The following ING4 variants were observed in gnomAD, a reference collection of about 807,000 sequenced individuals.
The protein encoded by ING4 is inhibitor of growth protein 4.
A neutral mutation model predicts 33.1 loss-of-function variants in ING4; 28 were observed. The ratio of observed to expected loss-of-function variants is 0.85; its 90% CI spans 0.63 to 1.16. The LOEUF (loss-of-function observed/expected upper bound fraction) is 1.16. Ranked by LOEUF, ING4 falls within the 50% of genes most tolerant of loss-of-function variation. The probability of loss-of-function intolerance (pLI) is 0.00; values close to 1 mark genes in which losing one functional copy is unlikely to be tolerated. For missense variants in ING4, 247 were observed against 314.7 expected, an observed-to-expected ratio of 0.78 and a Z score of 1.63; for synonymous variants, 87 against 104.4, an observed-to-expected ratio of 0.83 and a Z score of 1.02.
intron 2 of ING4, 38 bp downstream of exon 2, chr12:6,656,689 C>T (rs373285320): frequency 6.0e-5 from 66 of 1,107,756 alleles, no homozygotes; most frequent in Non-Finnish European, 7.9e-5. Flanking sequence ...TGATTACACA[C>T]ACTCATTAGA....
chr12:6,653,849 A>AATTATTT (rs1293167825), intron 2 of ING4, among the ~76,000 whole-genome samples: 49 of 152,156 alleles, frequency 3.2e-4, no homozygotes. Context: ...TCAATATCAT[A>AATTATTT]CATTTCAAAA....
At chr12:6,655,881 A>G (rs1403776092) in intron 2 of ING4, 1 of 456,206 alleles carries the variant, frequency 2.2e-6, no homozygotes, top group Non-Finnish European at 4.4e-6. Context: ...AAATTTGCTC[A>G]ATGTTCCAGG....
chr12:6,658,515 G>A (rs930779973), intron 1 of ING4, among the ~76,000 whole-genome samples: 6 of 151,898 alleles, frequency 4.0e-5, no homozygotes, highest in Non-Finnish European at 5.9e-5. Flanking sequence ...GTGAAACTCT[G>A]TCTCTACCAA....
chr12:6,660,197 C>T (rs1021760482), intron 1 of ING4, among the ~76,000 whole-genome samples: 8 of 152,124 alleles, frequency 5.3e-5, no homozygotes, highest in Admixed American at 2.0e-4. Flanking sequence ...CAGTGGCTCA[C>T]GCCTGTAATC....
At chr12:6,659,448 A>C (rs576357723) in intron 1 of ING4, among the ~76,000 whole-genome samples, 1 of 152,206 alleles carries the variant, frequency 6.6e-6, no homozygotes, top group Non-Finnish European at 1.5e-5. Flanking sequence ...TGGAGGTTGC[A>C]GTGAGCTGAG....
chr12:6,653,414 G>A lies in ING4; in HGVS notation c.110-18C>T, dbSNP rs372623035. 3.2e-5 allele frequency: 52 copies of A among 1,610,278 alleles called. No individual in the cohort carries two copies. Among genetic ancestry groups the A allele is most frequent in the Non-Finnish European group, 4.2e-5 (50 of 1,178,072 alleles). ...CTTCAGGTCTACAACAGAGACAGAG[G>A]CCTGGTCACAATGGCCCCTGAGTGG... On this transcript the variant is annotated intron_variant, in intron 2 of 7. Transcript: ENST00000341550.
intron 6 of ING4, 108 bp from the exon 7 acceptor site, chr12:6,651,493 G>A: frequency 3.2e-6 from 3 of 931,060 alleles, no homozygotes. Flanking sequence ...CATCCTTTTG[G>A]AGAATTCTTG....
intron 1 of ING4, among the ~76,000 whole-genome samples, chr12:6,660,872 A>G (rs1949525093): frequency 6.6e-6 from 1 of 152,158 alleles, no homozygotes; most frequent in African/African-American, 2.4e-5. Context: ...GCTGGAGTGC[A>G]ATGGCGCAAT....
In ING4 at chr12:6,657,276, C is replaced by T. The variant is rs775375521; in HGVS notation, c.38-478G>A. 1.9e-4 allele frequency among the ~76,000 whole-genome samples: 28 copies of T among 151,244 alleles called. 1 individual carries two copies. The highest frequency in any genetic ancestry group is 4.6e-4 in the Admixed American group (7 of 15,164). On this transcript the variant is annotated intron_variant, in intron 1 of 7. Coordinates refer to ENST00000341550, the MANE Select transcript of ING4 (RefSeq NM_016162.4). ...CATCCTGGCTAACATGGTGAAACCC[C>T]GTCTCTACTAAAAATACAAAAAATT...
intron 4 of ING4, 39 bp from the exon 5 acceptor site, chr12:6,652,806 C>T: frequency 6.2e-7 from 1 of 1,600,532 alleles, no homozygotes; most frequent in Non-Finnish European, 8.6e-7. Context: ...GGCAGGGAGA[C>T]AGAAAGATGG....
chr12:6,652,543 T>C, intron 5 of ING4, 119 bp downstream of exon 5: 1 of 1,373,116 alleles, frequency 7.3e-7, no homozygotes, highest in Non-Finnish European at 1.0e-6. Context: ...GATACCAAAA[T>C]GATAAGAAGA....
intron 5 of ING4, 42 bp downstream of exon 5, chr12:6,652,620 G>A (rs2041252846): frequency 6.4e-7 from 1 of 1,563,520 alleles, no homozygotes; most frequent in Non-Finnish European, 8.8e-7. Context: ...CACCGGGAGA[G>A]AAGAGGATGT....
Position 6,652,775 on chromosome 12 carries a change from G to C in ING4, c.392-8C>G. On this transcript the variant is annotated splice_region_variant and splice_polypyrimidine_tract_variant and intron_variant, in intron 4 of 7. Coordinates refer to ENST00000341550, the MANE Select transcript of ING4 (RefSeq NM_016162.4). ...TCTCCTTTTGAGTCCGGCCTTCTAG[G>C]GAAGAGGGAGAAAGCCAGAAGGCAG... The C allele has an allele frequency of 6.2e-7, 1 of 1,613,458 alleles. No homozygotes were observed. The highest frequency in any genetic ancestry group is 1.3e-5 in the African/African-American group (1 of 75,024).
chr12:6,653,161 T>C, intron 3 of ING4, 69 bp downstream of exon 3: 1 of 1,599,394 alleles, frequency 6.3e-7, no homozygotes, highest in Non-Finnish European at 8.6e-7. Context: ...CCCAACACAG[T>C]TGAAGGAGGG....
intron 1 of ING4, among the ~76,000 whole-genome samples, chr12:6,662,196 C>A (rs1244943922): frequency 6.6e-6 from 1 of 152,222 alleles, no homozygotes; most frequent in East Asian, 1.9e-4. Flanking sequence ...TGGCAAATAA[C>A]CTTCAAGACC....
chr12:6,651,530 C>G, intron 6 of ING4, 145 bp from the exon 7 acceptor site: 1 of 669,872 alleles, frequency 1.5e-6, no homozygotes, highest in Middle Eastern at 4.1e-4. Flanking sequence ...CCAGTTCCCA[C>G]CATCTTCCTT....
At chr12:6,661,153 A>C (rs1949535492) in intron 1 of ING4, among the ~76,000 whole-genome samples, 2 of 151,480 alleles carry the variant, frequency 1.3e-5, no homozygotes, top group African/African-American at 4.9e-5. Flanking sequence ...GCTGGAGTGC[A>C]GTGGCATGAT....
rs778384841 is a variant in ING4 at position 6,651,405 on chromosome 12, G to C, written c.646-20C>G. The C allele has an allele frequency of 3.7e-6, 6 of 1,610,490 alleles. No individual in the cohort carries two copies. Among genetic ancestry groups the C allele is most frequent in the African/African-American group, 1.3e-5 (1 of 74,978 alleles). ...GGAACACTGGAAGAGGAAGAAAGAAGTAGTCAGGGGCCAGGAAGGGCCAGA... is the reference window on the plus strand; with the variant it reads ...GGAACACTGGAAGAGGAAGAAAGAACTAGTCAGGGGCCAGGAAGGGCCAGA... On this transcript the variant is annotated intron_variant, in intron 6 of 7. Transcript: ENST00000341550.
In ING4 at chr12:6,652,695, T is replaced by C. The variant is rs757875100; in HGVS notation, c.464A>G (p.Lys155Arg). The C allele has an allele frequency of 6.8e-6, 11 of 1,614,120 alleles. No homozygotes were observed. Among genetic ancestry groups the C allele is most frequent in the Middle Eastern group, 1.7e-4 (1 of 6,010 alleles). ...KGKNSDEEAP[K>R]TAQKKLKLVR... ...GAGCTTTAACTTCTTCTGGGCAGTCTTGGGGGCTTCTTCATCCGAGTTTTT... is the reference window on the plus strand; with the variant it reads ...GAGCTTTAACTTCTTCTGGGCAGTCCTGGGGGCTTCTTCATCCGAGTTTTT... Residue 155 changes from lysine to arginine, a missense_variant, in exon 5 of 8, where the codon AAG becomes AGG. Transcript: ENST00000341550.
Sources: gnomAD v4.1 joint callset for allele counts (sites outside exome capture counted in the v4.1 genomes callset) on GRCh38, gnomAD v4.1.1 for gene constraint, MANE v1.5 for transcripts, NCBI Gene and HGNC (gene_info 2026-07-23, HGNC 2026-07-21) for gene names.